PLCL2: variants seen among roughly 807,000 people sequenced by gnomAD.
The protein encoded by PLCL2 is inactive phospholipase C-like protein 2.
PLCL2 carries 4 observed loss-of-function variants against 79.6 expected under a neutral mutation model. The observed-to-expected ratio is 0.05, with a 90% CI of 0.02 to 0.11. The LOEUF (loss-of-function observed/expected upper bound fraction) is 0.11, where lower values mean the gene tolerates loss of function less well. Among genes scored for constraint, PLCL2 ranks in the 10% least tolerant of loss-of-function variants. The probability of loss-of-function intolerance (pLI) is 1.00; values close to 1 mark genes in which losing one functional copy is unlikely to be tolerated. For missense variants in PLCL2, 895 were observed against 1,291.0 expected (o/e 0.69, Z 4.70); for synonymous variants, 484 against 457.7 (o/e 1.06, Z -0.73).
At chr3:16,992,393 G>A (rs1309746837) in intron 1 of PLCL2, among the ~76,000 whole-genome samples, 1 of 152,120 alleles carries the variant, frequency 6.6e-6, no homozygotes, top group Non-Finnish European at 1.5e-5. Flanking sequence ...CCTTTGTGAA[G>A]GGAACCACTA....
chr3:16,989,168 C>T (rs74911568), intron 1 of PLCL2, among the ~76,000 whole-genome samples: 1,539 of 152,174 alleles, frequency 0.01, 36 homozygotes, highest in African/African-American at 0.035. Context: ...TGTTATTCTT[C>T]CAAAAAAATT....
At chr3:16,989,947 G>C (rs2064087280) in intron 1 of PLCL2, among the ~76,000 whole-genome samples, 1 of 152,116 alleles carries the variant, frequency 6.6e-6, no homozygotes, top group Admixed American at 6.6e-5. Flanking sequence ...AAAGGAAAGA[G>C]GGGAAAGGAT....
intron 1 of PLCL2, among the ~76,000 whole-genome samples, chr3:16,905,949 G>A (rs925510866): frequency 7.2e-5 from 11 of 152,174 alleles, no homozygotes; most frequent in African/African-American, 2.4e-4. Flanking sequence ...CTTCTGCTTT[G>A]GCAAGAATAA....
intron 2 of PLCL2, among the ~76,000 whole-genome samples, chr3:17,014,313 A>T (rs1354748277): frequency 6.6e-6 from 1 of 152,046 alleles, no homozygotes; most frequent in Non-Finnish European, 1.5e-5. Context: ...CATATTTGAT[A>T]CTTATTTTAA....
chr3:16,931,505 A>T (rs1434902144), intron 1 of PLCL2, among the ~76,000 whole-genome samples: 2 of 152,240 alleles, frequency 1.3e-5, no homozygotes, highest in Non-Finnish European at 2.9e-5. Flanking sequence ...ATCAGCAGAC[A>T]GAATAACCTG....
intron 5 of PLCL2, among the ~76,000 whole-genome samples, chr3:17,072,415 T>C (rs1244268493): frequency 6.6e-6 from 1 of 151,832 alleles, no homozygotes; most frequent in African/African-American, 2.4e-5. Flanking sequence ...ACACCTGTAA[T>C]CCCAGCACTT....
intron 1 of PLCL2, among the ~76,000 whole-genome samples, chr3:16,982,361 T>G (rs745844525): frequency 1.3e-5 from 2 of 152,232 alleles, no homozygotes; most frequent in Non-Finnish European, 2.9e-5. Context: ...TGAGCCACAG[T>G]GTTCAAGTGA....
At position 16,918,287 on chromosome 3, in the gene PLCL2, A is replaced by G. The variant is rs142202967; in HGVS notation, c.327+32921A>G. On this transcript the variant is annotated intron_variant, in intron 1 of 5. Coordinates refer to ENST00000615277, the MANE Select transcript of PLCL2 (RefSeq NM_001144382.2). ...AAACAATAGATAGTTTTTGTGCTTT[A>G]TATGAAAATCTCATTTTTTAAGTAG... Among the ~76,000 whole-genome samples, 23 of 152,338 alleles carry G rather than the reference A, an allele frequency of 1.5e-4. No homozygotes were observed. The East Asian group carries it at 4.2e-3, about 28-fold the overall frequency.
intron 1 of PLCL2, among the ~76,000 whole-genome samples, chr3:16,899,843 G>A (rs570969318): frequency 9.7e-5 from 4 of 41,148 alleles, no homozygotes; most frequent in Admixed American, 5.2e-4. Context: ...GCCGCCCCCC[G>A]TCAAAACACC....
chr3:16,968,036 T>C (rs2124976149), intron 1 of PLCL2, among the ~76,000 whole-genome samples: 1 of 152,208 alleles, frequency 6.6e-6, no homozygotes, highest in African/African-American at 2.4e-5. Context: ...TCCCTATTGC[T>C]TGTTTTTGTC....
rs2065262623 is a variant in PLCL2 at position 17,090,561 on chromosome 3, A to C, written c.*649A>C. 1 of 152,504 alleles carries C rather than the reference A, an allele frequency of 6.6e-6. No individual in the cohort carries two copies. Among genetic ancestry groups the C allele is most frequent in the Non-Finnish European group, 1.5e-5 (1 of 68,060 alleles). The allele number at this position is 152,504 out of a possible 1,614,324, so 9.4% of individuals were successfully genotyped here. ...ATTGTAAATAGTTTTTCATTGTATGAAGTAGTGTTCACATTAAAAAGATGT... is the reference window on the plus strand; with the variant it reads ...ATTGTAAATAGTTTTTCATTGTATGCAGTAGTGTTCACATTAAAAAGATGT... On this transcript the variant is annotated 3_prime_UTR_variant, in exon 6 of 6. Coordinates refer to ENST00000615277, the MANE Select transcript of PLCL2 (RefSeq NM_001144382.2).
At chr3:17,003,871 T>C (rs4461404) in intron 1 of PLCL2, among the ~76,000 whole-genome samples, 88,627 of 151,932 alleles carry the variant, frequency 0.58, 26,080 homozygotes, top group South Asian at 0.64. Context: ...AGTGGCCCTG[T>C]TCTACCCCCA....
intron 1 of PLCL2, among the ~76,000 whole-genome samples, chr3:16,976,194 T>TTG (rs1281894785): frequency 1.3e-5 from 2 of 152,034 alleles, no homozygotes; most frequent in African/African-American, 4.8e-5. Flanking sequence ...AATATGATAT[T>TTG]TGTGCGTGTA....
At chr3:17,021,595 TACACACACACACAC>T (rs35902619) in intron 3 of PLCL2, among the ~76,000 whole-genome samples, 8 of 146,488 alleles carry the variant, frequency 5.5e-5, no homozygotes, top group South Asian at 4.4e-4. Flanking sequence ...AAAGTATTCT[TACACACACACACAC>T]ACACACACAC....
chr3:17,056,891 G>A (rs1398647449), intron 4 of PLCL2, among the ~76,000 whole-genome samples: 1 of 152,134 alleles, frequency 6.6e-6, no homozygotes, highest in Non-Finnish European at 1.5e-5. Flanking sequence ...GGGGCTTGAG[G>A]GAATGCAGGA....
chr3:16,889,397 A>T (rs985309187), intron 1 of PLCL2, among the ~76,000 whole-genome samples: 1 of 152,196 alleles, frequency 6.6e-6, no homozygotes, highest in Non-Finnish European at 1.5e-5. Context: ...TGTAGGAGAT[A>T]TTGGAAGAAG....
At position 17,011,769 on chromosome 3, in the gene PLCL2, C is replaced by T. The variant is rs1170634327; in HGVS notation, c.2423C>T (p.Ala808Val). Reference protein sequence around the residue: ...RTKTVHQNGDAPIFDESFEFQ... With the variant: ...RTKTVHQNGDVPIFDESFEFQ... ...AAAACAGTGCACCAGAATGGAGACGCTCCCATTTTTGATGAAAGCTTTGAA... is the reference window on the plus strand; with the variant it reads ...AAAACAGTGCACCAGAATGGAGACGTTCCCATTTTTGATGAAAGCTTTGAA... Residue 808 changes from alanine to valine, a missense_variant, in exon 2 of 6, where the codon GCT becomes GTT. Physicochemically the swap from Ala to Val is moderately conservative, Grantham distance 64. This residue lies in a region of PLCL2 where 298 missense variants were observed against 459.6 expected (regional missense o/e 0.65). Coordinates refer to ENST00000615277, the MANE Select transcript of PLCL2 (RefSeq NM_001144382.2). The surrounding 1 kb of genome is among the most constrained non-coding windows in gnomAD (Gnocchi z 7.9). 6 of 1,614,096 alleles carry T rather than the reference C, an allele frequency of 3.7e-6. No individual in the cohort carries two copies. The Admixed American group carries it at 5.0e-5, about 13-fold the overall frequency.
intron 1 of PLCL2, among the ~76,000 whole-genome samples, chr3:16,939,113 A>G (rs1041421789): frequency 6.6e-6 from 1 of 152,146 alleles, no homozygotes; most frequent in Non-Finnish European, 1.5e-5. Context: ...GCAGATGTTG[A>G]AAGTACAATT....
intron 1 of PLCL2, among the ~76,000 whole-genome samples, chr3:16,989,864 A>G (rs1217834239): frequency 2.6e-5 from 4 of 151,968 alleles, no homozygotes; most frequent in African/African-American, 9.7e-5. Context: ...TTTTTTTTTC[A>G]CTGTATGATA....
Sources: gnomAD v4.1 joint callset for allele counts (sites outside exome capture counted in the v4.1 genomes callset) on GRCh38, gnomAD v4.1.1 for gene constraint, gnomAD v4.1.1 regional missense constraint, Gnocchi (gnomAD v3.1) non-coding constraint, MANE v1.5 for transcripts, NCBI Gene and HGNC (gene_info 2026-07-23, HGNC 2026-07-21) for gene names.